Variants in GRK3 observed in about 807,000 individuals in gnomAD.
The protein encoded by GRK3 is adrenergic, beta, receptor kinase 2.
GRK3 carries 54 observed loss-of-function variants against 95.7 expected under a neutral mutation model. The observed-to-expected ratio is 0.56, with a 90% CI of 0.45 to 0.71. The LOEUF (loss-of-function observed/expected upper bound fraction) is 0.71. Ranked by LOEUF, GRK3 falls within the 30% of genes least tolerant of loss-of-function variation. GRK3 has a pLI of 0.00. For missense variants in GRK3, 649 were observed against 851.2 expected (o/e 0.76, Z 2.96); for synonymous variants, 281 against 290.8 (o/e 0.97, Z 0.34).
intron 2 of GRK3, among the ~76,000 whole-genome samples, chr22:25,628,209 G>T (rs1188170782): frequency 2.0e-5 from 3 of 152,234 alleles, no homozygotes; most frequent in Non-Finnish European, 2.9e-5. Context: ...CTTTTGGTAT[G>T]GCAGTGGGTT....
chr22:25,698,112 GGGAAGGAAGAAAGGAGGAAGGAGAGGGA>G (rs1462227726), intron 13 of GRK3, among the ~76,000 whole-genome samples: 2 of 148,078 alleles, frequency 1.4e-5, no homozygotes, highest in African/African-American at 2.5e-5. Flanking sequence ...GGAGGGAGGA[GGGAAGGAAGAAAGGAGGAAGGAGAGGGA>G]GGAAGGAAGG....
At chr22:25,672,996 C>T (rs999558197) in intron 7 of GRK3, among the ~76,000 whole-genome samples, 57 of 143,176 alleles carry the variant, frequency 4.0e-4, no homozygotes, top group African/African-American at 1.5e-3. Context: ...TTGGGCAAAA[C>T]AATCAACCGG....
intron 4 of GRK3, among the ~76,000 whole-genome samples, chr22:25,663,136 C>T (rs1236030200): frequency 6.6e-6 from 1 of 152,148 alleles, no homozygotes; most frequent in Non-Finnish European, 1.5e-5. Context: ...CCATCTCAGC[C>T]TCCAGAGTAG....
At chr22:25,648,394 G>T in intron 3 of GRK3, 2 of 1,297,100 alleles carry the variant, frequency 1.5e-6, no homozygotes, top group Admixed American at 3.4e-5. Flanking sequence ...CAGATTCAAG[G>T]TCTAGCAAAA....
chr22:25,658,194 G>T (rs528681999), intron 3 of GRK3, among the ~76,000 whole-genome samples: 130 of 152,194 alleles, frequency 8.5e-4, no homozygotes, highest in African/African-American at 3.1e-3. Flanking sequence ...TTGATGGTTT[G>T]TCCTCTTGCA....
At chr22:25,592,061 A>G (rs1302104161) in intron 1 of GRK3, among the ~76,000 whole-genome samples, 1 of 152,226 alleles carries the variant, frequency 6.6e-6, no homozygotes. Flanking sequence ...AGAAGCTGCC[A>G]AAGTGTTTTC....
intron 6 of GRK3, among the ~76,000 whole-genome samples, chr22:25,668,562 A>C (rs2084958012): frequency 6.6e-6 from 1 of 152,256 alleles, no homozygotes; most frequent in African/African-American, 2.4e-5. Flanking sequence ...ATTCTATTGG[A>C]GTTCAAGAGG....
At chr22:25,607,867 C>G (rs1240425588) in intron 2 of GRK3, among the ~76,000 whole-genome samples, 1 of 152,140 alleles carries the variant, frequency 6.6e-6, no homozygotes, top group South Asian at 2.1e-4. Flanking sequence ...AAGCGTGAGC[C>G]ACCATGCCCG....
At chr22:25,622,711 A>G (rs547298476) in intron 2 of GRK3, among the ~76,000 whole-genome samples, 8 of 152,222 alleles carry the variant, frequency 5.3e-5, no homozygotes, top group Non-Finnish European at 1.2e-4. Flanking sequence ...GCATGGAAAC[A>G]GGAAGAAGAA....
In GRK3 at chr22:25,725,549, A is replaced by G. The variant is rs2085466550; in HGVS notation, c.*3099A>G. 1.5e-5 allele frequency: 6 copies of G among 398,486 alleles called. No individual in the cohort carries two copies. Among genetic ancestry groups the G allele is most frequent in the Non-Finnish European group, 2.2e-5 (5 of 226,078 alleles). The allele number at this position is 398,486 out of a possible 1,614,324, so 24.7% of individuals were successfully genotyped here. On this transcript the variant is annotated 3_prime_UTR_variant, in exon 21 of 21. Transcript: ENST00000324198. ...TGTCATATTTAAGTATGATTTTTCAACAAAACTTCTAGAAGTCAGCTTATT... is the reference window on the plus strand; with the variant it reads ...TGTCATATTTAAGTATGATTTTTCAGCAAAACTTCTAGAAGTCAGCTTATT...
chr22:25,614,917 G>T (rs952212407), intron 2 of GRK3, among the ~76,000 whole-genome samples: 11 of 152,110 alleles, frequency 7.2e-5, no homozygotes, highest in Non-Finnish European at 1.5e-4. Context: ...AAGACAGAAG[G>T]CTCCCATCCC....
intron 1 of GRK3, among the ~76,000 whole-genome samples, chr22:25,589,268 A>G (rs1601456161): frequency 6.6e-6 from 1 of 152,232 alleles, no homozygotes. Flanking sequence ...GAGGTTATCT[A>G]GCAGTGTCCT....
chr22:25,685,143 T>G, intron 9 of GRK3, 27 bp from the exon 10 acceptor site: 3 of 1,546,578 alleles, frequency 1.9e-6, no homozygotes, highest in Non-Finnish European at 1.8e-6. Context: ...TTTGCTCTTC[T>G]TATAAACTTT....
chr22:25,643,632 A>G (rs1301230799), intron 2 of GRK3, among the ~76,000 whole-genome samples: 3 of 152,208 alleles, frequency 2.0e-5, no homozygotes, highest in Non-Finnish European at 4.4e-5. Flanking sequence ...ATCTTCAAGT[A>G]TCTCTACCTT....
intron 5 of GRK3, among the ~76,000 whole-genome samples, chr22:25,666,616 G>A (rs529257903): frequency 2.0e-5 from 3 of 152,028 alleles, no homozygotes; most frequent in East Asian, 3.9e-4. Flanking sequence ...CCAGGCTAGC[G>A]TCCTTTCTGC....
chr22:25,716,259 A>T (rs2085383902), intron 18 of GRK3, among the ~76,000 whole-genome samples: 1 of 152,136 alleles, frequency 6.6e-6, no homozygotes. Flanking sequence ...AAGTGCTGGG[A>T]TTACAGGCGT....
intron 1 of GRK3, chr22:25,580,505 A>G (rs1186292060): frequency 6.6e-6 from 1 of 152,236 alleles, no homozygotes; most frequent in Non-Finnish European, 1.5e-5. Flanking sequence ...GAAATAGGCT[A>G]AAACGACATG....
intron 2 of GRK3, among the ~76,000 whole-genome samples, chr22:25,635,602 C>G (rs1275174297): frequency 6.6e-6 from 1 of 152,150 alleles, no homozygotes; most frequent in Non-Finnish European, 1.5e-5. Flanking sequence ...TTGACCTTAA[C>G]ATTTGTAAAG....
intron 13 of GRK3, among the ~76,000 whole-genome samples, chr22:25,700,161 G>A (rs1467682473): frequency 6.6e-6 from 1 of 152,184 alleles, no homozygotes; most frequent in Admixed American, 6.5e-5. Context: ...GGCTTCAGAA[G>A]GTGTTTTGCA....
Sources: allele counts gnomAD v4.1 joint callset (sites outside exome capture counted in the v4.1 genomes callset), GRCh38; gene constraint gnomAD v4.1.1; transcripts MANE v1.5; gene names NCBI Gene and HGNC (gene_info 2026-07-23, HGNC 2026-07-21).